The following PCDHAC1 variants were observed in gnomAD, a reference collection of about 807,000 sequenced individuals.
PCDHAC1 encodes the protein protocadherin alpha-C1.
PCDHAC1 carries 42 observed loss-of-function variants against 60.0 expected under a neutral mutation model. The observed-to-expected ratio is 0.70, with a 90% CI of 0.55 to 0.90. The LOEUF (loss-of-function observed/expected upper bound fraction) is 0.90. PCDHAC1 is among the 40% of genes least tolerant of loss of function. The pLI is 0.00. For missense variants in PCDHAC1, 1,160 were observed against 1,222.3 expected (o/e 0.95, Z 0.76); for synonymous variants, 468 against 499.3 (o/e 0.94, Z 0.84).
At position 141,009,849 on chromosome 5, in the gene PCDHAC1, C is replaced by T. The variant is rs782348993; in HGVS notation, c.2804C>T (p.Thr935Ile). 54 of 1,613,364 alleles carry T rather than the reference C, an allele frequency of 3.3e-5. No individual in the cohort carries two copies. The South Asian group carries it at 5.8e-4, about 17-fold the overall frequency. ...DFITFGKKEETKKKKKKKKGN... is the reference protein window; with the variant it reads ...DFITFGKKEEIKKKKKKKKGN... ...ATAACCTTCGGCAAAAAGGAGGAGA[C>T]CAAGAAAAAGAAGAAAAAGAAGAAG... Residue 935 changes from threonine to isoleucine, a missense_variant, in exon 4 of 4, where the codon ACC becomes ATC. Around this residue, in one of 3 missense-constraint regions of PCDHAC1, gnomAD observed 1,113 missense variants for 1,163.7 expected, o/e 0.96. Transcript: ENST00000253807.
At chr5:140,970,663 CAAAT>C (rs1216768545) in intron 1 of PCDHAC1, among the ~76,000 whole-genome samples, 1 of 152,136 alleles carries the variant, frequency 6.6e-6, no homozygotes, top group Non-Finnish European at 1.5e-5. Flanking sequence ...GTTATCTTTC[CAAAT>C]AACTACTTTG....
chr5:140,985,792 T>G (rs1043772430), intron 3 of PCDHAC1, among the ~76,000 whole-genome samples: 1 of 142,326 alleles, frequency 7.0e-6, no homozygotes. Flanking sequence ...CAGGCTGGAG[T>G]GCAGTGGCAC....
At position 140,928,280 on chromosome 5, in the gene PCDHAC1, C is replaced by G. The variant is rs781831365; in HGVS notation, c.1388C>G (p.Ser463Cys). The G allele has an allele frequency of 6.2e-7, 1 of 1,614,194 alleles. No homozygotes were observed. The highest frequency in any genetic ancestry group is 2.2e-5 in the East Asian group (1 of 44,880). Reference sequence around the variant, plus strand: ...GCTGAAAACAATGGCCCTGGGGCCTCTCTAGGCCGAGTGTTTGCCCAGGAC... The same window carrying G: ...GCTGAAAACAATGGCCCTGGGGCCTGTCTAGGCCGAGTGTTTGCCCAGGAC... Reference protein sequence around the residue: ...FVAENNGPGASLGRVFAQDPD... With the variant: ...FVAENNGPGACLGRVFAQDPD... The change falls in exon 1 of 4, where the codon TCT becomes TGT. Residue 463 changes from serine (S) to cysteine (C), a missense_variant. By Grantham distance (112) the Ser-to-Cys change is moderately radical (BLOSUM62 -1). Coordinates refer to ENST00000253807, the MANE Select transcript of PCDHAC1 (RefSeq NM_018898.5).
intron 1 of PCDHAC1, among the ~76,000 whole-genome samples, chr5:140,978,488 C>T (rs1453613410): frequency 6.6e-6 from 1 of 152,224 alleles, no homozygotes; most frequent in Non-Finnish European, 1.5e-5. Flanking sequence ...TCTGCAAAGC[C>T]AGCAGCAGAT....
In PCDHAC1 at chr5:140,982,461, G is replaced by A. The variant is rs765899879; in HGVS notation, c.2493-14G>A. The A allele has an allele frequency of 4.7e-5, 76 of 1,614,088 alleles. No individual in the cohort carries two copies. The highest frequency in any genetic ancestry group is 5.8e-5 in the Non-Finnish European group (68 of 1,180,014). On this transcript the variant is annotated splice_polypyrimidine_tract_variant and intron_variant, in intron 2 of 3. Coordinates refer to ENST00000253807, the MANE Select transcript of PCDHAC1 (RefSeq NM_018898.5). ...TATGATCTAACCGTTATCTGGGTCTGTGTGTTTATTCAGCTCTGTGCACCT... is the reference window on the plus strand; with the variant it reads ...TATGATCTAACCGTTATCTGGGTCTATGTGTTTATTCAGCTCTGTGCACCT...
intron 1 of PCDHAC1, chr5:140,968,252 C>T: frequency 1.2e-6 from 2 of 1,613,948 alleles, no homozygotes; most frequent in Non-Finnish European, 1.7e-6. Context: ...AGCCACAGAC[C>T]CAGATGAAAA....
Position 141,010,647 on chromosome 5 carries a change from GT to G in PCDHAC1, c.*714del, listed in dbSNP as rs782752760. ...CATACCTGCAAGCCAACAGTTCAGT[GT>G]TTTAACAGAGAACCACCCTGGGAAA... On this transcript the variant is annotated 3_prime_UTR_variant, in exon 4 of 4. Coordinates refer to ENST00000253807, the MANE Select transcript of PCDHAC1 (RefSeq NM_018898.5). 4.6e-5 allele frequency: 8 copies of G among 173,154 alleles called. No homozygotes were observed. Among genetic ancestry groups the G allele is most frequent in the Admixed American group, 1.2e-4 (2 of 16,978 alleles). 10.7% of individuals were successfully genotyped at this position (173,154 alleles called of 1,614,324 possible).
chr5:140,927,209 A>G lies in PCDHAC1; in HGVS notation c.317A>G (p.Glu106Gly). The G allele has an allele frequency of 1.2e-6, 2 of 1,614,092 alleles. No homozygotes were observed. Among genetic ancestry groups the G allele is most frequent in the Non-Finnish European group, 1.7e-6 (2 of 1,180,026 alleles). ...GACCTGGTGCTCGAGGACCCGCTGGAGCTGCACAAGATTCGGATTCACGTC... is the reference window on the plus strand; with the variant it reads ...GACCTGGTGCTCGAGGACCCGCTGGGGCTGCACAAGATTCGGATTCACGTC... ...TYDLVLEDPL[E>G]LHKIRIHVLD... is the part of the protein sequence containing the mutation. The change falls in exon 1 of 4, where the codon GAG (glutamate) becomes GGG (glycine). Residue 106 changes from glutamate to glycine, a missense_variant. Around this residue, in one of 3 missense-constraint regions of PCDHAC1, gnomAD observed 1,113 missense variants for 1,163.7 expected, o/e 0.96. Coordinates refer to ENST00000253807, the MANE Select transcript of PCDHAC1 (RefSeq NM_018898.5).
chr5:140,997,610 C>A (rs1223241020), intron 3 of PCDHAC1, among the ~76,000 whole-genome samples: 1 of 151,776 alleles, frequency 6.6e-6, no homozygotes, highest in Non-Finnish European at 1.5e-5. Flanking sequence ...GGGCGCATGA[C>A]TATATAGAGA....
chr5:140,962,008 C>T (rs1363169601), intron 1 of PCDHAC1, among the ~76,000 whole-genome samples: 5 of 152,088 alleles, frequency 3.3e-5, no homozygotes, highest in South Asian at 2.1e-4. Context: ...CTCAGCTTCC[C>T]GAGTAGCTGG....
chr5:140,928,628 T>G lies in PCDHAC1; in HGVS notation c.1736T>G (p.Leu579Trp). The stretch of plus-strand genomic sequence containing the variant: ...CCCCGCTCTGCCAGGACTGGACACT[T>G]GGTCACAAAAGTGGTAGCAGAGGAT... The part of the protein sequence containing the change: ...IVPRSARTGH[L>W]VTKVVAEDAD... Residue 579 changes from leucine to tryptophan, a missense_variant, in exon 1 of 4, where the codon TTG (leucine) becomes TGG (tryptophan). Leu to Trp is a moderately conservative substitution (Grantham distance 61). Coordinates refer to ENST00000253807, the MANE Select transcript of PCDHAC1 (RefSeq NM_018898.5). 6.2e-7 allele frequency: 1 copy of G among 1,614,222 alleles called. No individual in the cohort carries two copies. Among genetic ancestry groups the G allele is most frequent in the Non-Finnish European group, 8.5e-7 (1 of 1,180,032 alleles).
At chr5:140,989,582 G>A (rs1554250917) in intron 3 of PCDHAC1, among the ~76,000 whole-genome samples, 1 of 152,200 alleles carries the variant, frequency 6.6e-6, no homozygotes, top group Non-Finnish European at 1.5e-5. Flanking sequence ...CCTGTCCTCA[G>A]CCTCACTGAC....
intron 1 of PCDHAC1, among the ~76,000 whole-genome samples, chr5:140,974,767 T>C (rs559758887): frequency 1.2e-4 from 18 of 152,098 alleles, no homozygotes; most frequent in Non-Finnish European, 2.4e-4. Flanking sequence ...GGATTACAGG[T>C]ATGAGCCACT....
At chr5:140,964,584 A>G (rs1347418719) in intron 1 of PCDHAC1, among the ~76,000 whole-genome samples, 2 of 152,132 alleles carry the variant, frequency 1.3e-5, no homozygotes, top group African/African-American at 4.8e-5. Context: ...GGGAGGAAAG[A>G]TCACTTTTCA....
chr5:140,941,191 T>TTTTTTTTC (rs1554213809), intron 1 of PCDHAC1, among the ~76,000 whole-genome samples: 21 of 93,258 alleles, frequency 2.3e-4, no homozygotes, highest in African/African-American at 5.9e-4. Flanking sequence ...GCTTCTTTTT[T>TTTTTTTTC]TTTCTTTCTT....
chr5:140,991,879 G>A (rs1464021872), intron 3 of PCDHAC1, among the ~76,000 whole-genome samples: 1 of 152,174 alleles, frequency 6.6e-6, no homozygotes, highest in Non-Finnish European at 1.5e-5. Flanking sequence ...TCCTAGGGCT[G>A]CCATAACAAA....
rs1329189325 is a variant in PCDHAC1, at chr5:141,010,310, G to C, written c.*373G>C. The C allele has an allele frequency of 6.5e-7, 1 of 1,547,658 alleles. No individual in the cohort carries two copies. The highest frequency in any genetic ancestry group is 8.7e-7 in the Non-Finnish European group (1 of 1,145,866). ...CTTGCAGGGCAGGCTGAAAAGTTTT[G>C]AGATTGAGCAGCTTGGGAGTTTGTG... On this transcript the variant is annotated 3_prime_UTR_variant, in exon 4 of 4. Coordinates refer to ENST00000253807, the MANE Select transcript of PCDHAC1 (RefSeq NM_018898.5).
intron 1 of PCDHAC1, among the ~76,000 whole-genome samples, chr5:140,932,458 G>T (rs1316450984): frequency 6.6e-6 from 1 of 151,710 alleles, no homozygotes; most frequent in African/African-American, 2.4e-5. Flanking sequence ...TTTTGCCAGG[G>T]TATATAGGAA....
chr5:140,964,909 A>G (rs1164322313), intron 1 of PCDHAC1, among the ~76,000 whole-genome samples: 1 of 152,208 alleles, frequency 6.6e-6, no homozygotes, highest in African/African-American at 2.4e-5. Context: ...GCTTCTCTGG[A>G]ATAACACTGG....
Sources: gnomAD v4.1 joint callset for allele counts (sites outside exome capture counted in the v4.1 genomes callset) on GRCh38, gnomAD v4.1.1 for gene constraint, gnomAD v4.1.1 regional missense constraint, MANE v1.5 for transcripts, NCBI Gene and HGNC (gene_info 2026-07-23, HGNC 2026-07-21) for gene names.